Variants in NXPE4 observed in about 807,000 individuals in gnomAD.
The protein encoded by NXPE4 is neurexophilin and PC-esterase domain family member 4.
Under a neutral mutation model 33.3 loss-of-function variants are expected in NXPE4, and 42 were observed. That is an observed-to-expected ratio of 1.26 (90% CI 0.98 to 1.63). The LOEUF is 1.63. Among genes scored for constraint, NXPE4 ranks in the 40% most tolerant of loss-of-function variants. NXPE4 has a pLI of 0.00. For synonymous variants in NXPE4, 253 were observed against 234.9 expected, an observed-to-expected ratio of 1.08 and a Z score of -0.71; for missense variants, 709 against 647.6, an observed-to-expected ratio of 1.09 and a Z score of -1.03.
chr11:114,630,734 G>A, the NXPE4 span, among the ~76,000 whole-genome samples: 2 of 151,334 alleles, frequency 1.3e-5, no homozygotes, highest in Non-Finnish European at 2.9e-5. Context: ...GAGTGAACAG[G>A]CAACCTACAA....
intron 5 of NXPE4, among the ~76,000 whole-genome samples, chr11:114,574,865 C>G (rs1948962783): frequency 6.6e-6 from 1 of 151,940 alleles, no homozygotes; most frequent in Non-Finnish European, 1.5e-5. Context: ...CCTAATACCT[C>G]AACCAGGGAA....
chr11:114,640,806 AT>A, the NXPE4 span, among the ~76,000 whole-genome samples: 20 of 151,722 alleles, frequency 1.3e-4, no homozygotes, highest in African/African-American at 4.8e-4. Flanking sequence ...AGAACTATTT[AT>A]TTTTTCTTCC....
chr11:114,571,328 G>A lies in NXPE4; in HGVS notation c.1245C>T (p.Tyr415=), dbSNP rs374218249. ...CAGTTCTGTCAATGGCCCGGGTGAG[G>A]TACTCCATCTCTTTGACTGAATAGG... is the stretch of plus-strand genomic sequence containing the variant. ...SMTYSVKEME[Y]LTRAIDRTGG... The change falls in exon 6 of 6, where the codon TAC becomes TAT. Residue 415 remains tyrosine, a synonymous_variant. Transcript: ENST00000375478. The A allele has an allele frequency of 3.7e-6, 6 of 1,613,906 alleles. No individual in the cohort carries two copies. The highest frequency in any genetic ancestry group is 2.7e-5 in the African/African-American group (2 of 74,912).
chr11:114,632,779 T>A, the NXPE4 span, among the ~76,000 whole-genome samples: 2 of 1,760 alleles, frequency 1.1e-3, no homozygotes, highest in Admixed American at 0.013. Flanking sequence ...TAATTATATA[T>A]TATATATTAT....
the NXPE4 span, among the ~76,000 whole-genome samples, chr11:114,673,722 C>A: frequency 6.6e-6 from 1 of 151,786 alleles, no homozygotes; most frequent in Non-Finnish European, 1.5e-5. Flanking sequence ...TTGAGTCATG[C>A]AATACTGCTT....
At chr11:114,613,616 C>T in the NXPE4 span, among the ~76,000 whole-genome samples, 1 of 151,944 alleles carries the variant, frequency 6.6e-6, no homozygotes, top group South Asian at 2.1e-4. Context: ...TCATGGGTAA[C>T]CACTGTTACA....
chr11:114,589,350 T>C (rs1949387155), intron 2 of NXPE4, among the ~76,000 whole-genome samples: 1 of 151,994 alleles, frequency 6.6e-6, no homozygotes, highest in Non-Finnish European at 1.5e-5. Context: ...GGAAGGAAGG[T>C]GGACCTCCTT....
the NXPE4 span, among the ~76,000 whole-genome samples, chr11:114,609,857 C>T: frequency 5.9e-5 from 9 of 151,674 alleles, no homozygotes; most frequent in East Asian, 3.9e-4. Context: ...ACTATTGCCT[C>T]GCGGGTAACC....
At chr11:114,615,452 C>T in the NXPE4 span, among the ~76,000 whole-genome samples, 1 of 151,934 alleles carries the variant, frequency 6.6e-6, no homozygotes, top group African/African-American at 2.4e-5. Flanking sequence ...ACCACTGTTA[C>T]CCAGTGGATA....
chr11:114,608,790 G>T, the NXPE4 span, among the ~76,000 whole-genome samples: 1 of 151,752 alleles, frequency 6.6e-6, no homozygotes, highest in Non-Finnish European at 1.5e-5. Flanking sequence ...CGGTTACCCT[G>T]TGGAAAATAA....
the NXPE4 span, among the ~76,000 whole-genome samples, chr11:114,676,457 T>C: frequency 6.6e-6 from 1 of 151,960 alleles, no homozygotes; most frequent in Non-Finnish European, 1.5e-5. Context: ...AGGAGCTGAA[T>C]AGATATTTCT....
At chr11:114,622,624 G>C in the NXPE4 span, among the ~76,000 whole-genome samples, 1 of 151,592 alleles carries the variant, frequency 6.6e-6, no homozygotes, top group Non-Finnish European at 1.5e-5. Context: ...CTGTTACCCA[G>C]TGGATAATAA....
At chr11:114,619,256 G>T in the NXPE4 span, among the ~76,000 whole-genome samples, 2 of 152,080 alleles carry the variant, frequency 1.3e-5, no homozygotes, top group Non-Finnish European at 2.9e-5. Context: ...TGCCTCTTGA[G>T]TAATCAATGG....
chr11:114,615,374 G>A, the NXPE4 span, among the ~76,000 whole-genome samples: 67 of 151,960 alleles, frequency 4.4e-4, no homozygotes, highest in East Asian at 2.1e-3. Flanking sequence ...ACTGTTACCC[G>A]GTGGATAATA....
At chr11:114,595,037 A>G (rs1591358472) in intron 1 of NXPE4, among the ~76,000 whole-genome samples, 1 of 152,270 alleles carries the variant, frequency 6.6e-6, no homozygotes, top group East Asian at 1.9e-4. Flanking sequence ...AAGGGCCTGA[A>G]GGATGCAAGC....
At chr11:114,602,664 A>T in the NXPE4 span, among the ~76,000 whole-genome samples, 23 of 142,142 alleles carry the variant, frequency 1.6e-4, no homozygotes, top group Non-Finnish European at 2.4e-4. Flanking sequence ...CATATATAAT[A>T]ATTACAGAAT....
chr11:114,636,201 T>G, the NXPE4 span, among the ~76,000 whole-genome samples: 1 of 152,050 alleles, frequency 6.6e-6, no homozygotes, highest in Non-Finnish European at 1.5e-5. Context: ...GGAGGGTGTA[T>G]GTGTCGAGGA....
At chr11:114,632,645 T>G in the NXPE4 span, among the ~76,000 whole-genome samples, 123 of 95,676 alleles carry the variant, frequency 1.3e-3, 1 homozygote, top group African/African-American at 5.3e-3. Flanking sequence ...ATGTAAATAA[T>G]AAATGTAAAA....
the NXPE4 span, among the ~76,000 whole-genome samples, chr11:114,659,018 T>C: frequency 1.3e-5 from 2 of 152,068 alleles, no homozygotes; most frequent in African/African-American, 4.8e-5. Flanking sequence ...AGAAAAACCC[T>C]TTGTCAAAAC....
Sources: gnomAD v4.1 joint callset for allele counts (sites outside exome capture counted in the v4.1 genomes callset) on GRCh38, gnomAD v4.1.1 for gene constraint, MANE v1.5 for transcripts, NCBI Gene and HGNC (gene_info 2026-07-23, HGNC 2026-07-21) for gene names.